Variants in CASK observed in about 807,000 individuals in gnomAD.
CASK encodes the protein peripheral plasma membrane protein CASK.
In CASK, 4 loss-of-function variants were observed where a neutral mutation model predicts 82.9. The ratio of observed to expected loss-of-function variants is 0.05; its 90% CI spans 0.02 to 0.11. The LOEUF is 0.11. Among genes scored for constraint, CASK ranks in the 10% least tolerant of loss-of-function variants. The pLI, the probability that CASK is intolerant of heterozygous loss-of-function variation, is 1.00. For missense variants in CASK, 358 were observed against 720.9 expected, an observed-to-expected ratio of 0.50 and a Z score of 5.76; for synonymous variants, 259 against 253.5, an observed-to-expected ratio of 1.02 and a Z score of -0.20.
chrX:41,603,421 C>T (rs746935223), intron 12 of CASK, among the ~76,000 whole-genome samples: 4 of 111,854 alleles, frequency 3.6e-5, no homozygotes, highest in Non-Finnish European at 5.6e-5. Flanking sequence ...CCATGGCTAA[C>T]TCCAGGCCAG....
chrX:41,593,835 A>C (rs994624635), intron 12 of CASK, among the ~76,000 whole-genome samples: 5 of 112,546 alleles, frequency 4.4e-5, no homozygotes, highest in Admixed American at 9.4e-5. Context: ...GTGTTTAAAA[A>C]CAGTAGTTAG....
intron 21 of CASK, among the ~76,000 whole-genome samples, chrX:41,544,386 C>T (rs750503615): frequency 1.8e-5 from 2 of 109,758 alleles, no homozygotes; most frequent in Non-Finnish European, 3.8e-5. Context: ...GGCAACAGGG[C>T]GAAATCCCAT....
chrX:41,877,994 A>C (rs983067072), intron 1 of CASK, among the ~76,000 whole-genome samples: 1 of 111,114 alleles, frequency 9.0e-6, no homozygotes, highest in Non-Finnish European at 1.9e-5. Context: ...AACAAAAAAA[A>C]ATACATTTTA....
chrX:41,847,659 C>A (rs1440645152), intron 2 of CASK, among the ~76,000 whole-genome samples: 5 of 112,133 alleles, frequency 4.5e-5, no homozygotes, highest in Non-Finnish European at 9.4e-5. Context: ...TGTGTCAACT[C>A]TAAAAATCAG....
At chrX:41,790,879 C>T (rs776629331) in intron 2 of CASK, among the ~76,000 whole-genome samples, 2 of 111,979 alleles carry the variant, frequency 1.8e-5, no homozygotes, top group South Asian at 7.5e-4. Flanking sequence ...GTATTAAGTG[C>T]TATTAAGTCC....
At chrX:41,797,564 T>C (rs929125626) in intron 2 of CASK, among the ~76,000 whole-genome samples, 9 of 111,768 alleles carry the variant, frequency 8.1e-5, no homozygotes, top group African/African-American at 2.0e-4. Flanking sequence ...ACATCTATTA[T>C]ACATCTCCTG....
chrX:41,689,045 C>G (rs1429085574), intron 5 of CASK: 1 of 111,551 alleles, frequency 9.0e-6, no homozygotes, highest in Non-Finnish European at 1.9e-5. Flanking sequence ...TCTAGGGAAG[C>G]TTGGGGTTCT....
intron 6 of CASK, 126 bp downstream of exon 6, chrX:41,671,302 G>T: frequency 2.0e-6 from 1 of 512,429 alleles, no homozygotes; most frequent in Non-Finnish European, 3.5e-6. Context: ...GATGCTTTTT[G>T]GGAGTTGGGG....
intron 3 of CASK, among the ~76,000 whole-genome samples, chrX:41,762,291 C>A (rs953561403): frequency 8.9e-6 from 1 of 111,851 alleles, no homozygotes; most frequent in Non-Finnish European, 1.9e-5. Context: ...TTGTGATTAT[C>A]AGAGTACTTT....
intron 1 of CASK, among the ~76,000 whole-genome samples, chrX:41,903,418 C>A (rs1235960895): frequency 2.7e-5 from 3 of 111,922 alleles, no homozygotes; most frequent in African/African-American, 9.7e-5. Flanking sequence ...ATACCATAAA[C>A]AGAGGTAAAC....
intron 1 of CASK, among the ~76,000 whole-genome samples, chrX:41,912,944 A>G (rs1186442775): frequency 9.2e-6 from 1 of 108,608 alleles, no homozygotes; most frequent in Non-Finnish European, 1.9e-5. Flanking sequence ...CTTTTTATAA[A>G]TGAGGAAGCA....
intron 3 of CASK, among the ~76,000 whole-genome samples, chrX:41,762,217 G>A (rs920232957): frequency 7.1e-5 from 8 of 112,050 alleles, no homozygotes; most frequent in African/African-American, 1.3e-4. Context: ...CTCTAATACT[G>A]AGGCTCTATA....
chrX:41,880,691 AT>A (rs1401203278), intron 1 of CASK, among the ~76,000 whole-genome samples: 1 of 111,933 alleles, frequency 8.9e-6, no homozygotes, highest in Non-Finnish European at 1.9e-5. Context: ...GGAGATCCAA[AT>A]GTATTTCACT....
intron 3 of CASK, among the ~76,000 whole-genome samples, chrX:41,772,498 A>G (rs2147797760): frequency 9.0e-6 from 1 of 111,485 alleles, no homozygotes; most frequent in Admixed American, 9.6e-5. Flanking sequence ...ACATGACTAC[A>G]GAACCTGCAG....
rs2072733487 is a variant in CASK, at chrX:41,918,714, T to C, written c.59+4216A>G. ...AAGATAAAATCCATGTTTTAGCCAT[T>C]TAGCTTCAATACCTTCCAAAAAGAA... On this transcript the variant is annotated intron_variant, in intron 1 of 26. Transcript: ENST00000378163. Among the ~76,000 whole-genome samples, 3 of 112,752 alleles carry C rather than the reference T, an allele frequency of 2.7e-5. No homozygotes were observed. In the South Asian group the frequency reaches 1.1e-3, roughly 41 times the overall value.
intron 8 of CASK, among the ~76,000 whole-genome samples, chrX:41,637,134 A>G (rs2066568347): frequency 9.2e-6 from 1 of 109,096 alleles, no homozygotes; most frequent in South Asian, 4.0e-4. Flanking sequence ...ATTTTTTTTA[A>G]TAGAGAAGGA....
chrX:41,766,817 G>A (rs2069124708), intron 3 of CASK, among the ~76,000 whole-genome samples: 1 of 111,535 alleles, frequency 9.0e-6, no homozygotes, highest in African/African-American at 3.3e-5. Flanking sequence ...AACCTGGGAG[G>A]TGGAGGTTGC....
Position 41,640,411 on chromosome X carries a change from C to G in CASK, c.832-3750G>C, listed in dbSNP as rs751949701. ...TAGAGATGGGGTTTCACCATATTGG[C>G]CAGGCTGGTCTCGATCTCCTGACCT... On this transcript the variant is annotated intron_variant, in intron 8 of 26. Coordinates refer to ENST00000378163, the MANE Select transcript of CASK (RefSeq NM_001367721.1). Among the ~76,000 whole-genome samples, 16 of 110,952 alleles carry G rather than the reference C, an allele frequency of 1.4e-4. No homozygotes were observed. The South Asian group carries it at 6.2e-3, about 43-fold the overall frequency.
intron 2 of CASK, among the ~76,000 whole-genome samples, chrX:41,817,727 T>C (rs1387139298): frequency 1.8e-5 from 2 of 111,183 alleles, no homozygotes; most frequent in East Asian, 5.6e-4. Flanking sequence ...TGTATATCAG[T>C]TGTATTTATA....
Sources: allele counts gnomAD v4.1 joint callset (sites outside exome capture counted in the v4.1 genomes callset), GRCh38; gene constraint gnomAD v4.1.1; transcripts MANE v1.5; gene names NCBI Gene and HGNC (gene_info 2026-07-23, HGNC 2026-07-21).